TPRN: variants seen among roughly 807,000 people sequenced by gnomAD.
TPRN encodes taperin.
In TPRN, 32 loss-of-function variants were observed where a neutral mutation model predicts 42.6. The observed-to-expected ratio is 0.75, with a 90% confidence interval of 0.57 to 1.01. The LOEUF (loss-of-function observed/expected upper bound fraction) is 1.01. Ranked by LOEUF, TPRN falls within the 50% of genes least tolerant of loss-of-function variation. The pLI, the probability that TPRN is intolerant of heterozygous loss-of-function variation, is 0.00. For missense variants in TPRN, 1,095 were observed against 957.5 expected, an observed-to-expected ratio of 1.14 and a Z score of -1.90; for synonymous variants, 541 against 445.6, an observed-to-expected ratio of 1.21 and a Z score of -2.70.
chr9:137,196,106 C>T lies in TPRN; in HGVS notation c.1725+2881G>A, dbSNP rs1199790916. On this transcript the variant is annotated intron_variant, in intron 1 of 3. Coordinates refer to ENST00000409012, the MANE Select transcript of TPRN (RefSeq NM_001128228.3). ...GCCAGCCCTGGGGCAGGCCCCTCAC[C>T]GACTCCCACCACCCAGACAACTCCA... 3.3e-5 allele frequency among the ~76,000 whole-genome samples: 5 copies of T among 152,190 alleles called. No homozygotes were observed. In the East Asian group the frequency reaches 5.8e-4, roughly 18 times the overall value.
In TPRN at chr9:137,192,283, T is replaced by C; in HGVS notation, c.2049A>G (p.Ala683=). Residue 683 remains alanine, a synonymous_variant, in exon 3 of 4, where the codon GCA becomes GCG. Transcript: ENST00000409012. ...EQALEQAPRE[A]EPPPVEAMLT... The stretch of plus-strand genomic sequence containing the variant: ...CCATGGCCTCCACGGGCGGGGGCTC[T>C]GCCTCCCTCGGGGCCTGCTCCAGCG... 1.2e-6 allele frequency: 2 copies of C among 1,613,018 alleles called. No homozygotes were observed. Among genetic ancestry groups the C allele is most frequent in the Non-Finnish European group, 1.7e-6 (2 of 1,180,014 alleles).
chr9:137,200,188 C>T lies in TPRN; in HGVS notation c.524G>A (p.Ser175Asn). 7.1e-6 allele frequency: 7 copies of T among 983,686 alleles called. No individual in the cohort carries two copies. Among genetic ancestry groups the T allele is most frequent in the Non-Finnish European group, 8.4e-6 (7 of 830,570 alleles). The allele number at this position is 983,686 out of a possible 1,614,324, so 60.9% of individuals were successfully genotyped here. ...GCGGGGCCCGGGCGCGGCGGGCGGG[C>T]TGGGGGCCGCGGGCGGGGGCCGGGG... ...APPRPPPAAP[S>N]PPAAPGPRGG... The change falls in exon 1 of 4, where the codon AGC becomes AAC. Residue 175 changes from serine to asparagine, a missense_variant. Coordinates refer to ENST00000409012, the MANE Select transcript of TPRN (RefSeq NM_001128228.3). This position sits in a 1 kb window ranked among gnomAD's most constrained non-coding sequence, Gnocchi z 4.3.
At position 137,192,055 on chromosome 9, in the gene TPRN, G is replaced by A; in HGVS notation, c.*57C>T. On this transcript the variant is annotated 3_prime_UTR_variant, in exon 4 of 4. Transcript: ENST00000409012. ...GCGGGTGCAGTAGTCCCTGGCTACT[G>A]CCCAGCTTCCGGGACTCCCACAGCT... 6.3e-7 allele frequency: 1 copy of A among 1,597,488 alleles called. No homozygotes were observed. The highest frequency in any genetic ancestry group is 2.2e-5 in the East Asian group (1 of 44,854).
At chr9:137,198,027 G>T (rs937828969) in intron 1 of TPRN, among the ~76,000 whole-genome samples, 4 of 152,176 alleles carry the variant, frequency 2.6e-5, no homozygotes, top group African/African-American at 9.6e-5. Context: ...AGCCTGCAAG[G>T]TCCCATCCCC....
Position 137,191,816 on chromosome 9 carries a change from C to G in TPRN, c.*296G>C. 2.0e-6 allele frequency: 1 copy of G among 496,708 alleles called. No homozygotes were observed. The highest frequency in any genetic ancestry group is 3.7e-6 in the Non-Finnish European group (1 of 270,712). The allele number at this position is 496,708 out of a possible 1,614,324, so 30.8% of individuals were successfully genotyped here. A position where few individuals can be genotyped will look rare whatever the true frequency, so the allele number is the denominator to read the frequency against. On this transcript the variant is annotated 3_prime_UTR_variant, in exon 4 of 4. Transcript: ENST00000409012. ...GACAGGGAATGGCCAGGTGCAGAAT[C>G]TGCACAGCCCCCTGCCGGGTCGCAG...
chr9:137,197,216 A>G (rs1834719355), intron 1 of TPRN, among the ~76,000 whole-genome samples: 1 of 152,140 alleles, frequency 6.6e-6, no homozygotes, highest in African/African-American at 2.4e-5. Flanking sequence ...CTCCTGCCTC[A>G]GTCTCCTGAA....
At position 137,200,248 on chromosome 9, in the gene TPRN, G is replaced by C; in HGVS notation, c.464C>G (p.Ala155Gly). The C allele has an allele frequency of 6.2e-6, 6 of 972,506 alleles. No homozygotes were observed. The highest frequency in any genetic ancestry group is 7.3e-6 in the Non-Finnish European group (6 of 822,660). The allele number at this position is 972,506 out of a possible 1,614,324, so 60.2% of individuals were successfully genotyped here. A position where few individuals can be genotyped will look rare whatever the true frequency, so the allele number is the denominator to read the frequency against. The stretch of plus-strand genomic sequence containing the variant: ...CGGCGGCGGCGGCGGCGGGGGGCGG[G>C]CGCGCTCGGGGCTCCCGCGGCGGCG... ...APRRRGSPER[A>G]RPPPPPPPPA... The change falls in exon 1 of 4, where the codon GCC becomes GGC. Residue 155 changes from alanine to glycine, a missense_variant. Transcript: ENST00000409012. The surrounding 1 kb of genome is among the most constrained non-coding windows in gnomAD (Gnocchi z 4.3).
intron 1 of TPRN, chr9:137,194,391 CAG>C: frequency 6.6e-6 from 1 of 152,300 alleles, no homozygotes; most frequent in Non-Finnish European, 1.5e-5. Flanking sequence ...CAAGGCAGGA[CAG>C]GGCTGGTGGC....
At chr9:137,198,690 G>A (rs1434945182) in intron 1 of TPRN, among the ~76,000 whole-genome samples, 4 of 152,256 alleles carry the variant, frequency 2.6e-5, no homozygotes, top group Non-Finnish European at 1.5e-5. Flanking sequence ...GACCCGCCCA[G>A]CTAATTCCAG....
intron 1 of TPRN, among the ~76,000 whole-genome samples, 173 bp downstream of exon 1, chr9:137,198,814 A>G (rs1012009650): frequency 4.6e-5 from 7 of 152,316 alleles, no homozygotes; most frequent in Middle Eastern, 3.4e-3. Flanking sequence ...AGGGGGCTCC[A>G]CTGGGGCCCT....
At chr9:137,198,904 G>T (rs780619274) in intron 1 of TPRN, 83 bp downstream of exon 1, 22 of 1,601,168 alleles carry the variant, frequency 1.4e-5, no homozygotes, top group Non-Finnish European at 1.8e-5. Flanking sequence ...AAGCGTCCTG[G>T]GATCAGGGCA....
At chr9:137,195,381 C>T (rs1017828602) in intron 1 of TPRN, among the ~76,000 whole-genome samples, 7 of 152,218 alleles carry the variant, frequency 4.6e-5, no homozygotes, top group African/African-American at 1.7e-4. Flanking sequence ...ACCTAGGCGG[C>T]ACCTATGGGA....
At chr9:137,192,878 C>G (rs941414697) in intron 1 of TPRN, 187 bp from the exon 2 acceptor site, 1 of 635,000 alleles carries the variant, frequency 1.6e-6, no homozygotes, top group Non-Finnish European at 2.7e-6. Flanking sequence ...TCCATCCCTC[C>G]ACCCTGGGGG....
At position 137,199,251 on chromosome 9, in the gene TPRN, G is replaced by GGGCCTGGCAGGGTGCAGA. The variant is rs772232586; in HGVS notation, c.1443_1460dup (p.Leu482_Pro487dup). 1.9e-6 allele frequency: 3 copies of GGGCCTGGCAGGGTGCAGA among 1,612,668 alleles called. No homozygotes were observed. The highest frequency in any genetic ancestry group is 1.3e-5 in the African/African-American group (1 of 74,938). On this transcript the variant is annotated inframe_insertion, in exon 1 of 4. Transcript: ENST00000409012. ...GGGGCTGAAGCTCTGCCACGCACCC[G>GGGCCTGGCAGGGTGCAGA]GGCCTGGCAGGGTGCAGAGGCCTGG...
intron 1 of TPRN, 90 bp downstream of exon 1, chr9:137,198,897 C>A: frequency 6.3e-7 from 1 of 1,597,092 alleles, no homozygotes; most frequent in Non-Finnish European, 8.5e-7. Flanking sequence ...CCAGGCCAAG[C>A]GTCCTGGGAT....
chr9:137,197,937 G>A (rs1834730085), intron 1 of TPRN, among the ~76,000 whole-genome samples: 1 of 152,196 alleles, frequency 6.6e-6, no homozygotes, highest in African/African-American at 2.4e-5. Context: ...AGGGGAGTAT[G>A]GCACAGGGAG....
At chr9:137,193,963 G>T (rs1374375552) in intron 1 of TPRN, 2 of 152,480 alleles carry the variant, frequency 1.3e-5, no homozygotes, top group Admixed American at 1.3e-4. Context: ...TGTACCCTCA[G>T]GTCCCTTCTC....
intron 1 of TPRN, among the ~76,000 whole-genome samples, chr9:137,197,139 C>T (rs1299302164): frequency 6.6e-6 from 1 of 152,200 alleles, no homozygotes; most frequent in African/African-American, 2.4e-5. Flanking sequence ...CACTCTGTCG[C>T]CCAGGCTGGA....
In TPRN at chr9:137,200,647, A is replaced by T; in HGVS notation, c.65T>A (p.Ile22Asn). 8.1e-7 allele frequency: 1 copy of T among 1,240,348 alleles called. No individual in the cohort carries two copies. 76.8% of individuals were successfully genotyped at this position (1,240,348 alleles called of 1,614,324 possible). Residue 22 changes from isoleucine to asparagine, a missense_variant, in exon 1 of 4, where the codon ATC becomes AAC. Transcript: ENST00000409012. This position sits in a 1 kb window ranked among gnomAD's most constrained non-coding sequence, Gnocchi z 4.3. ...RAAVPAWKRE[I>N]LERKRAKLAA... is the part of the protein sequence containing the mutation. ...TAGCTTGGCCCGCTTCCGCTCCAGG[A>T]TCTCACGCTTCCAAGCGGGCACCGC...
Sources: allele counts gnomAD v4.1 joint callset (sites outside exome capture counted in the v4.1 genomes callset), GRCh38; gene constraint gnomAD v4.1.1; non-coding constraint Gnocchi (gnomAD v3.1); transcripts MANE v1.5; gene names NCBI Gene and HGNC (gene_info 2026-07-23, HGNC 2026-07-21).